Variants in QTMAN observed in about 807,000 individuals in gnomAD.
The protein encoded by QTMAN is tRNA-queuosine alpha-mannosyltransferase.
At chr2:144,191,989 T>C in the QTMAN span, among the ~76,000 whole-genome samples, 23 of 152,370 alleles carry the variant, frequency 1.5e-4, no homozygotes, top group East Asian at 3.1e-3. Context: ...CAAAACTGTT[T>C]GCTAGTGAGC....
the QTMAN span, among the ~76,000 whole-genome samples, chr2:144,128,640 T>C: frequency 2.4e-3 from 365 of 152,136 alleles, 1 homozygote; most frequent in African/African-American, 8.0e-3. Flanking sequence ...TCTGCTGCCA[T>C]AGTGCTCTAA....
the QTMAN span, among the ~76,000 whole-genome samples, chr2:144,278,973 C>G: frequency 6.6e-6 from 1 of 152,056 alleles, no homozygotes; most frequent in Non-Finnish European, 1.5e-5. Flanking sequence ...ACAGTAGGTG[C>G]TGCTTTCATT....
the QTMAN span, among the ~76,000 whole-genome samples, chr2:144,063,109 C>T: frequency 4.6e-5 from 7 of 152,124 alleles, no homozygotes; most frequent in African/African-American, 9.7e-5. Flanking sequence ...CCTGCTGTTA[C>T]GATGTAAGAC....
chr2:144,303,083 C>CA, the QTMAN span, among the ~76,000 whole-genome samples: 4 of 151,904 alleles, frequency 2.6e-5, no homozygotes, highest in Non-Finnish European at 5.9e-5. Flanking sequence ...GCCTGGGTGA[C>CA]AGAGACAGAG....
At chr2:144,029,812 A>G in the QTMAN span, among the ~76,000 whole-genome samples, 1 of 152,178 alleles carries the variant, frequency 6.6e-6, no homozygotes, top group African/African-American at 2.4e-5. Context: ...AAAGCTTTCA[A>G]ATAGGTAGGC....
chr2:144,301,981 T>C, the QTMAN span, among the ~76,000 whole-genome samples: 1 of 152,174 alleles, frequency 6.6e-6, no homozygotes, highest in Non-Finnish European at 1.5e-5. Context: ...TGAAGGACTA[T>C]CTGAAAATAG....
At chr2:144,086,130 A>G in the QTMAN span, among the ~76,000 whole-genome samples, 13 of 152,170 alleles carry the variant, frequency 8.5e-5, no homozygotes, top group African/African-American at 3.1e-4. Context: ...TTGCTGTTAA[A>G]AAAAGAACTA....
At chr2:144,300,947 T>C in the QTMAN span, among the ~76,000 whole-genome samples, 1 of 152,164 alleles carries the variant, frequency 6.6e-6, no homozygotes, top group East Asian at 1.9e-4. Context: ...TTCCCAAATA[T>C]CTGCAAGTTT....
At chr2:144,092,490 A>G in the QTMAN span, among the ~76,000 whole-genome samples, 1 of 152,138 alleles carries the variant, frequency 6.6e-6, no homozygotes, top group Non-Finnish European at 1.5e-5. Context: ...TGTACATCTT[A>G]TATGTAGTTT....
chr2:144,178,101 T>A, the QTMAN span, among the ~76,000 whole-genome samples: 2 of 152,174 alleles, frequency 1.3e-5, no homozygotes, highest in Non-Finnish European at 2.9e-5. Context: ...AGTTCCTGGA[T>A]ATATTTTCAT....
the QTMAN span, among the ~76,000 whole-genome samples, chr2:144,292,431 AT>A: frequency 6.5e-4 from 98 of 150,334 alleles, 1 homozygote; most frequent in Middle Eastern, 3.4e-3. Context: ...AACTAATACA[AT>A]TTTTTTTTTC....
the QTMAN span, among the ~76,000 whole-genome samples, chr2:144,034,983 T>C: frequency 2.0e-5 from 3 of 152,200 alleles, no homozygotes; most frequent in Non-Finnish European, 4.4e-5. Flanking sequence ...AGAAAACAGA[T>C]AGCATGGCAA....
chr2:143,983,565 C>T, the QTMAN span, among the ~76,000 whole-genome samples: 4 of 150,816 alleles, frequency 2.7e-5, no homozygotes, highest in South Asian at 2.1e-4. Context: ...CTTCGCCTCC[C>T]GGGTTCACGC....
the QTMAN span, among the ~76,000 whole-genome samples, chr2:144,320,041 T>C: frequency 6.6e-6 from 1 of 152,254 alleles, no homozygotes; most frequent in Non-Finnish European, 1.5e-5. Flanking sequence ...ATCTATGATC[T>C]AAGAATGGGT....
the QTMAN span, among the ~76,000 whole-genome samples, chr2:144,142,418 T>A: frequency 6.6e-6 from 1 of 151,928 alleles, no homozygotes; most frequent in Non-Finnish European, 1.5e-5. Flanking sequence ...CAGCTACCCA[T>A]GTTGAATTTC....
chr2:144,330,533 T>C, the QTMAN span, among the ~76,000 whole-genome samples: 1 of 152,228 alleles, frequency 6.6e-6, no homozygotes, highest in African/African-American at 2.4e-5. Flanking sequence ...GAATCGATTC[T>C]TGAAGCGCAA....
the QTMAN span, among the ~76,000 whole-genome samples, chr2:144,141,025 C>T: frequency 2.3e-3 from 350 of 152,092 alleles, no homozygotes; most frequent in Admixed American, 3.8e-3. Flanking sequence ...GAAGTTAATG[C>T]TGACCTCTTG....
chr2:144,070,390 C>G, the QTMAN span, among the ~76,000 whole-genome samples: 1 of 152,074 alleles, frequency 6.6e-6, no homozygotes, highest in Non-Finnish European at 1.5e-5. Flanking sequence ...AATTATGAAA[C>G]AGTCTTCATG....
chr2:144,158,198 A>G, the QTMAN span, among the ~76,000 whole-genome samples: 3 of 151,992 alleles, frequency 2.0e-5, no homozygotes, highest in Non-Finnish European at 4.4e-5. Context: ...ACCACTCCAT[A>G]GGAATCAGTA....
Sources: gnomAD v4.1 joint callset for allele counts (sites outside exome capture counted in the v4.1 genomes callset) on GRCh38, gnomAD v4.1.1 for gene constraint, MANE v1.5 for transcripts, NCBI Gene and HGNC (gene_info 2026-07-23, HGNC 2026-07-21) for gene names.